The following COBL variants were observed in gnomAD, a reference collection of about 807,000 sequenced individuals.
COBL encodes the protein protein cordon-bleu.
A neutral mutation model predicts 98.8 loss-of-function variants in COBL; 51 were observed. That is an observed-to-expected ratio of 0.52 (90% CI 0.41 to 0.65). COBL has a LOEUF of 0.65. COBL is among the 30% of genes least tolerant of loss of function. The pLI, the probability that COBL is intolerant of heterozygous loss-of-function variation, is 0.00. For missense variants in COBL, 1,617 were observed against 1,617.5 expected (o/e 1.00, Z 0.01); for synonymous variants, 634 against 651.7 (o/e 0.97, Z 0.41).
At position 51,150,297 on chromosome 7, in the gene COBL, C is replaced by A. The variant is rs148685990; in HGVS notation, c.784-13966G>T. 3.0e-3 allele frequency among the ~76,000 whole-genome samples: 463 copies of A among 152,290 alleles called. 5 individuals carry two copies. Among genetic ancestry groups the A allele is most frequent in the Admixed American group, 0.027 (412 of 15,300 alleles). ...TGCTCTTACTCAGAAGGCCTGCAGC[C>A]TAGACAGCTTCCTACATTTCTGATA... On this transcript the variant is annotated intron_variant, in intron 5 of 12. Coordinates refer to ENST00000265136, the MANE Select transcript of COBL (RefSeq NM_015198.5).
chr7:51,111,664 T>A (rs889101101), intron 6 of COBL, among the ~76,000 whole-genome samples: 1 of 151,480 alleles, frequency 6.6e-6, no homozygotes, highest in African/African-American at 2.5e-5. Context: ...AACAGCTGCC[T>A]CTCCCCCGTG....
intron 6 of COBL, among the ~76,000 whole-genome samples, chr7:51,088,615 G>C (rs1328054900): frequency 1.3e-5 from 2 of 152,080 alleles, no homozygotes; most frequent in Non-Finnish European, 2.9e-5. Flanking sequence ...TCTGCTCTCT[G>C]TCTTGGCCTC....
chr7:51,061,703 G>A (rs900293758), intron 7 of COBL, among the ~76,000 whole-genome samples: 3 of 152,134 alleles, frequency 2.0e-5, no homozygotes, highest in African/African-American at 7.2e-5. Flanking sequence ...CATCCTATCT[G>A]CTGAGGGTCT....
At chr7:51,148,044 G>A (rs1000848669) in intron 5 of COBL, among the ~76,000 whole-genome samples, 1 of 152,096 alleles carries the variant, frequency 6.6e-6, no homozygotes, top group African/African-American at 2.4e-5. Flanking sequence ...TTACAGGTGT[G>A]AGCCACCACA....
At chr7:51,162,374 T>C (rs1786906669) in intron 5 of COBL, among the ~76,000 whole-genome samples, 1 of 152,204 alleles carries the variant, frequency 6.6e-6, no homozygotes, top group Non-Finnish European at 1.5e-5. Flanking sequence ...AAGATGAGAA[T>C]ATTTGCTATG....
intron 4 of COBL, among the ~76,000 whole-genome samples, chr7:51,186,016 A>C: frequency 6.6e-6 from 1 of 152,270 alleles, no homozygotes; most frequent in African/African-American, 2.4e-5. Context: ...ACAGTACCCA[A>C]ATCAGAGGGC....
intron 6 of COBL, among the ~76,000 whole-genome samples, chr7:51,107,163 T>C (rs1397960716): frequency 6.8e-6 from 1 of 147,126 alleles, no homozygotes; most frequent in East Asian, 2.2e-4. Context: ...GGTGTGATCT[T>C]GGCTCACTGC....
chr7:51,220,797 C>A (rs1224358552), intron 1 of COBL, among the ~76,000 whole-genome samples: 1 of 152,144 alleles, frequency 6.6e-6, no homozygotes, highest in Admixed American at 6.6e-5. Flanking sequence ...TCCCACCTTC[C>A]GCCCTCAAGT....
chr7:51,160,441 G>A lies in COBL; in HGVS notation c.783+23661C>T, dbSNP rs185415944. 1.9e-4 allele frequency among the ~76,000 whole-genome samples: 29 copies of A among 152,278 alleles called. No individual in the cohort carries two copies. In the East Asian group the frequency reaches 5.6e-3, roughly 29 times the overall value. The stretch of plus-strand genomic sequence containing the variant: ...TTGATTCACGAATACATTTGCAGGT[G>A]TCTTTCATAAAGAAAACCTCCCAAA... On this transcript the variant is annotated intron_variant, in intron 5 of 12. Transcript: ENST00000265136.
intron 5 of COBL, among the ~76,000 whole-genome samples, chr7:51,173,955 T>C (rs1372996251): frequency 6.6e-6 from 1 of 152,198 alleles, no homozygotes; most frequent in Non-Finnish European, 1.5e-5. Context: ...CTATAATTTT[T>C]TTTCCTTTAA....
rs1263428739 is a variant in COBL, at chr7:51,181,948, G to GA, written c.783+2153dup. Among the ~76,000 whole-genome samples the GA allele has an allele frequency of 2.0e-5, 3 of 152,214 alleles. No homozygotes were observed. In the East Asian group the frequency reaches 5.8e-4, roughly 29 times the overall value. The stretch of plus-strand genomic sequence containing the variant: ...CAGATGTGGTGTCTCCCCACACCCT[G>GA]AACTATCAGAAGCTGAGTCAGTCTC... On this transcript the variant is annotated intron_variant, in intron 5 of 12. Coordinates refer to ENST00000265136, the MANE Select transcript of COBL (RefSeq NM_015198.5).
At chr7:51,248,957 A>G (rs1796497151) in intron 1 of COBL, among the ~76,000 whole-genome samples, 1 of 152,232 alleles carries the variant, frequency 6.6e-6, no homozygotes, top group African/African-American at 2.4e-5. Context: ...TAAGCCCATT[A>G]TGTAATTAAG....
Position 51,030,791 on chromosome 7 carries a change from AGCGG to A in COBL, c.1504+17_1504+20del. On this transcript the variant is annotated intron_variant, in intron 9 of 12. Coordinates refer to ENST00000265136, the MANE Select transcript of COBL (RefSeq NM_015198.5). Reference sequence around the variant, plus strand: ...CTTTCATGCAGCATAATATCAGAGTAGCGGATCAGGTGGTTCTTACCTTCCAGGT... The same window carrying A: ...CTTTCATGCAGCATAATATCAGAGTAATCAGGTGGTTCTTACCTTCCAGGT... The A allele has an allele frequency of 6.8e-7, 1 of 1,474,792 alleles. No individual in the cohort carries two copies. The allele number at this position is 1,474,792 out of a possible 1,614,324, so 91.4% of individuals were successfully genotyped here.
intron 2 of COBL, among the ~76,000 whole-genome samples, chr7:51,200,398 G>A (rs1791008519): frequency 6.6e-6 from 1 of 152,128 alleles, no homozygotes; most frequent in South Asian, 2.1e-4. Context: ...CAAATTAGAA[G>A]GCAAGTTGTC....
At chr7:51,290,975 G>A (rs761812719) in intron 1 of COBL, among the ~76,000 whole-genome samples, 1 of 152,088 alleles carries the variant, frequency 6.6e-6, no homozygotes, top group Non-Finnish European at 1.5e-5. Context: ...CAAAGGCCAC[G>A]TCTTCTTTAG....
At chr7:51,053,040 T>C (rs368042543) in intron 7 of COBL, among the ~76,000 whole-genome samples, 1 of 152,170 alleles carries the variant, frequency 6.6e-6, no homozygotes, top group East Asian at 1.9e-4. Context: ...TTAACTGCAT[T>C]TCCTTCTCCC....
At chr7:51,098,220 G>GTTTTTTTTTTTTTTTTTTTTTTTTTT (rs1276606651) in intron 6 of COBL, among the ~76,000 whole-genome samples, 9 of 52,296 alleles carry the variant, frequency 1.7e-4, no homozygotes, top group African/African-American at 6.7e-4. Flanking sequence ...CCCAATAGCA[G>GTTTTTTTTTTTTTTTTTTTTTTTTTT]TTTCTTTTTT....
chr7:51,069,445 G>A (rs763983317), intron 7 of COBL, among the ~76,000 whole-genome samples: 2 of 152,234 alleles, frequency 1.3e-5, no homozygotes, highest in Non-Finnish European at 2.9e-5. Flanking sequence ...GTTAGCTGTG[G>A]GATTGGTGGG....
intron 6 of COBL, among the ~76,000 whole-genome samples, chr7:51,115,484 T>C (rs1273390810): frequency 1.3e-5 from 2 of 152,150 alleles, no homozygotes; most frequent in African/African-American, 4.8e-5. Flanking sequence ...TTCCTTCAGT[T>C]CAAAATAGTT....
Sources: allele counts gnomAD v4.1 joint callset (sites outside exome capture counted in the v4.1 genomes callset), GRCh38; gene constraint gnomAD v4.1.1; transcripts MANE v1.5; gene names NCBI Gene and HGNC (gene_info 2026-07-23, HGNC 2026-07-21).